Variants in VPS37D observed in about 807,000 individuals in gnomAD.
The protein encoded by VPS37D is vacuolar protein sorting-associated protein 37D.
VPS37D carries 5 observed loss-of-function variants against 22.0 expected under a neutral mutation model. That is an observed-to-expected ratio of 0.23 (90% CI 0.12 to 0.48). The LOEUF (loss-of-function observed/expected upper bound fraction) is 0.48, where lower values mean the gene tolerates loss of function less well. VPS37D is among the 20% of genes least tolerant of loss of function. The probability of loss-of-function intolerance (pLI) is 0.99; values close to 1 mark genes in which losing one functional copy is unlikely to be tolerated. For synonymous variants in VPS37D, 174 were observed against 159.3 expected, an observed-to-expected ratio of 1.09 and a Z score of -0.69; for missense variants, 384 against 345.8, an observed-to-expected ratio of 1.11 and a Z score of -0.88.
At position 73,667,888 on chromosome 7, in the gene VPS37D, G is replaced by GGAGCC. The variant is rs1293645413; in HGVS notation, c.-67_-66insCGAGC. On this transcript the variant is annotated 5_prime_UTR_variant, in exon 1 of 4. Transcript: ENST00000324941. ...TCCTGGAGCCGGAGCGGAGCGGAGCGGAGCGGAGCCGGGGCGGAGCGGGCC... is the reference window on the plus strand; with the variant it reads ...TCCTGGAGCCGGAGCGGAGCGGAGCGGAGCCGAGCGGAGCCGGGGCGGAGCGGGCC... The GGAGCC allele has an allele frequency of 4.0e-6, 2 of 500,080 alleles. No individual in the cohort carries two copies. Among genetic ancestry groups the GGAGCC allele is most frequent in the Non-Finnish European group, 5.2e-6 (2 of 382,908 alleles). The allele number at this position is 500,080 out of a possible 1,614,324, so 31.0% of individuals were successfully genotyped here.
chr7:73,666,583 C>T (rs1797378484), upstream of VPS37D, among the ~76,000 whole-genome samples: 2 of 152,036 alleles, frequency 1.3e-5, no homozygotes, highest in Non-Finnish European at 2.9e-5. Context: ...CGCCCACCAC[C>T]ACGCCCGGCT....
chr7:73,666,467 C>T (rs1381722471), upstream of VPS37D, among the ~76,000 whole-genome samples: 2 of 151,556 alleles, frequency 1.3e-5, no homozygotes, highest in African/African-American at 2.4e-5. Flanking sequence ...GAGTCTCTGT[C>T]GCCCAGGCTG....
chr7:73,669,509 A>C lies in VPS37D; in HGVS notation c.229A>C (p.Met77Leu). 6.3e-7 allele frequency: 1 copy of C among 1,583,858 alleles called. No homozygotes were observed. Among genetic ancestry groups the C allele is most frequent in the Non-Finnish European group, 8.6e-7 (1 of 1,165,292 alleles). ...CCTGGCCCTGCGGCCCCGCCTGGAG[A>C]TGGGCCGGGCTGCCCTGGCCATCAA... ...ENLALRPRLEMGRAALAIKYQ... is the reference protein window; with the variant it reads ...ENLALRPRLELGRAALAIKYQ... Residue 77 changes from methionine to leucine, a missense_variant, in exon 2 of 4, where the codon ATG becomes CTG. Met to Leu is a conservative substitution (Grantham distance 15). Coordinates refer to ENST00000324941, the MANE Select transcript of VPS37D (RefSeq NM_001077621.2).
At chr7:73,669,271 C>T (rs1797450157) in intron 1 of VPS37D, 148 bp from the exon 2 acceptor site, 2 of 984,342 alleles carry the variant, frequency 2.0e-6, no homozygotes, top group African/African-American at 1.6e-5. Context: ...ATCGTCCCTT[C>T]ACCTGTTGGG....
In VPS37D at chr7:73,670,995, C is replaced by T; in HGVS notation, c.394-19C>T. 1 of 1,609,296 alleles carries T rather than the reference C, an allele frequency of 6.2e-7. No homozygotes were observed. Among genetic ancestry groups the T allele is most frequent in the Non-Finnish European group, 8.5e-7 (1 of 1,177,786 alleles). On this transcript the variant is annotated intron_variant, in intron 3 of 3. Transcript: ENST00000324941. ...TGTGGTCGTGCCTCTCCCAAGCCTT[C>T]CCTTCCCTCCCGGCCCAGGAGCAGA...
chr7:73,667,671 C>T (rs1421967064), upstream of VPS37D, among the ~76,000 whole-genome samples: 5 of 151,590 alleles, frequency 3.3e-5, no homozygotes, highest in Admixed American at 2.0e-4. Flanking sequence ...GCTCAGATTC[C>T]GGGAGGGGCG....
At chr7:73,670,490 C>T (rs1214469824) in intron 3 of VPS37D, among the ~76,000 whole-genome samples, 3 of 152,178 alleles carry the variant, frequency 2.0e-5, no homozygotes, top group African/African-American at 7.2e-5. Flanking sequence ...TCTGATCCAG[C>T]AGGTCTGGTG....
chr7:73,670,207 A>T (rs1797476213), intron 3 of VPS37D, 105 bp downstream of exon 3: 2 of 1,517,400 alleles, frequency 1.3e-6, no homozygotes, highest in Non-Finnish European at 1.8e-6. Context: ...TCCTCTGGGA[A>T]GTCCACCCTG....
rs1436120290 is a variant in VPS37D, at chr7:73,667,935, G to A, written c.-24G>A. 40 of 968,702 alleles carry A rather than the reference G, an allele frequency of 4.1e-5. No homozygotes were observed. The East Asian group carries it at 7.6e-4, about 18-fold the overall frequency. 60.0% of individuals were successfully genotyped at this position (968,702 alleles called of 1,614,324 possible). ...GGCCGAGCGGGCCGAGCCAGCAGCCGAGCTGGGGGCGCGGGCGGGCGGCAT... is the reference window on the plus strand; with the variant it reads ...GGCCGAGCGGGCCGAGCCAGCAGCCAAGCTGGGGGCGCGGGCGGGCGGCAT... On this transcript the variant is annotated 5_prime_UTR_variant, in exon 1 of 4. Coordinates refer to ENST00000324941, the MANE Select transcript of VPS37D (RefSeq NM_001077621.2).
chr7:73,670,161 C>G (rs1387338729), intron 3 of VPS37D, 59 bp downstream of exon 3: 1 of 1,548,436 alleles, frequency 6.5e-7, no homozygotes, highest in Non-Finnish European at 8.7e-7. Flanking sequence ...TCTGCCACCC[C>G]CTGGCTCATT....
chr7:73,669,283 T>C, intron 1 of VPS37D, 136 bp from the exon 2 acceptor site: 1 of 1,164,690 alleles, frequency 8.6e-7, no homozygotes, highest in South Asian at 1.7e-5. Flanking sequence ...CCTGTTGGGT[T>C]CACCACCCTG....
Position 73,671,425 on chromosome 7 carries a change from G to A in VPS37D, c.*49G>A, listed in dbSNP as rs1413998536. ...TGGGGGGCCTAGACAAACTTGATGC[G>A]TGGCTCCTCCTCCTCCCCCACTGCC... On this transcript the variant is annotated 3_prime_UTR_variant, in exon 4 of 4. Coordinates refer to ENST00000324941, the MANE Select transcript of VPS37D (RefSeq NM_001077621.2). The A allele has an allele frequency of 5.9e-6, 7 of 1,186,864 alleles. No homozygotes were observed. The highest frequency in any genetic ancestry group is 3.2e-5 in the African/African-American group (2 of 62,090). 73.5% of individuals were successfully genotyped at this position (1,186,864 alleles called of 1,614,324 possible).
rs12673074 is a variant in VPS37D, at chr7:73,671,254, C to T, written c.634C>T (p.Arg212Trp). ...GAARGPPAVPRSLPPLDSRPV... is the reference protein window; with the variant it reads ...GAARGPPAVPWSLPPLDSRPV... ...CGCCCGGGGGCCACCAGCAGTGCCC[C>T]GGAGCCTGCCCCCCTTGGACTCCCG... is the stretch of plus-strand genomic sequence containing the variant. The change falls in exon 4 of 4, where the codon CGG (arginine) becomes TGG (tryptophan). Residue 212 changes from arginine (R) to tryptophan (W), a missense_variant. Arg to Trp is a moderately radical substitution (Grantham distance 101). Coordinates refer to ENST00000324941, the MANE Select transcript of VPS37D (RefSeq NM_001077621.2). The T allele has an allele frequency of 1.5e-5, 23 of 1,514,334 alleles. No homozygotes were observed. The highest frequency in any genetic ancestry group is 4.2e-5 in the African/African-American group (3 of 71,718). The allele number at this position is 1,514,334 out of a possible 1,614,324, so 93.8% of individuals were successfully genotyped here.
intron 1 of VPS37D, among the ~76,000 whole-genome samples, chr7:73,668,366 G>A (rs955634276): frequency 6.6e-6 from 1 of 152,026 alleles, no homozygotes; most frequent in Non-Finnish European, 1.5e-5. Context: ...CTCCGGGGAG[G>A]TGTGTTCCGG....
intron 2 of VPS37D, 39 bp downstream of exon 2, chr7:73,669,629 G>C (rs940256860): frequency 1.9e-6 from 3 of 1,552,232 alleles, no homozygotes; most frequent in Non-Finnish European, 1.7e-6. Flanking sequence ...GGGCTGGTGG[G>C]GGCAGTTGGC....
At chr7:73,667,822 C>A, upstream of VPS37D, 1 of 201,002 alleles carries the variant, frequency 5.0e-6, no homozygotes, top group South Asian at 1.6e-4. Context: ...AGGGGCGCCC[C>A]CTGGCGGCGG....
intron 3 of VPS37D, among the ~76,000 whole-genome samples, chr7:73,670,463 T>C (rs781902389): frequency 1.3e-4 from 20 of 152,198 alleles, no homozygotes; most frequent in Non-Finnish European, 2.2e-4. Context: ...TGTCCCTGCC[T>C]CTGCTCCTGC....
rs1341907637 is a variant in VPS37D, at chr7:73,668,113, G to A, written c.138+17G>A. On this transcript the variant is annotated intron_variant, in intron 1 of 3. Transcript: ENST00000324941. ...AGCAGGAAGGTAGCGCGGGGGGCTC[G>A]AGCGGGGGGCGCGGGGGACGGGCAG... 7 of 1,089,930 alleles carry A rather than the reference G, an allele frequency of 6.4e-6. No individual in the cohort carries two copies. The highest frequency in any genetic ancestry group is 7.9e-6 in the Non-Finnish European group (7 of 890,352). 67.5% of individuals were successfully genotyped at this position (1,089,930 alleles called of 1,614,324 possible). A position where few individuals can be genotyped will look rare whatever the true frequency, so the allele number is the denominator to read the frequency against.
At position 73,670,893 on chromosome 7, in the gene VPS37D, C is replaced by G. The variant is rs1220504178; in HGVS notation, c.394-121C>G. 5 of 1,394,186 alleles carry G rather than the reference C, an allele frequency of 3.6e-6. No homozygotes were observed. The Admixed American group carries it at 1.3e-4, about 35-fold the overall frequency. The allele number at this position is 1,394,186 out of a possible 1,614,324, so 86.4% of individuals were successfully genotyped here. A position where few individuals can be genotyped will look rare whatever the true frequency, so the allele number is the denominator to read the frequency against. ...GGCAGGCCCAGGCTGGAACGCAGGT[C>G]CCCTGTCCCCCAGCTGAGGGGTGAT... On this transcript the variant is annotated intron_variant, in intron 3 of 3. Coordinates refer to ENST00000324941, the MANE Select transcript of VPS37D (RefSeq NM_001077621.2).
Sources: gnomAD v4.1 joint callset for allele counts (sites outside exome capture counted in the v4.1 genomes callset) on GRCh38, gnomAD v4.1.1 for gene constraint, MANE v1.5 for transcripts, NCBI Gene and HGNC (gene_info 2026-07-23, HGNC 2026-07-21) for gene names.